CHLSN: variants seen among roughly 807,000 people sequenced by gnomAD.
CHLSN encodes the protein cholesin.
At chr7:1,009,895 G>T in the CHLSN span, 1 of 1,412,984 alleles carries the variant, frequency 7.1e-7, no homozygotes, top group South Asian at 1.4e-5. Context: ...GACCCCCTCA[G>T]GCAGGGGTTG....
the CHLSN span, among the ~76,000 whole-genome samples, chr7:1,031,146 T>C: frequency 6.6e-6 from 1 of 152,194 alleles, no homozygotes; most frequent in African/African-American, 2.4e-5. Flanking sequence ...GGCCCCCAGA[T>C]AGCTGGTGAA....
chr7:1,122,311 C>A, the CHLSN span, among the ~76,000 whole-genome samples: 1 of 152,234 alleles, frequency 6.6e-6, no homozygotes, highest in East Asian at 1.9e-4. Context: ...GACATGCTGA[C>A]AGCAGTGGAC....
the CHLSN span, chr7:1,082,244 A>G: frequency 6.6e-6 from 1 of 152,218 alleles, no homozygotes; most frequent in Non-Finnish European, 1.5e-5. Flanking sequence ...ACCACTCATC[A>G]CTGTCGGGTG....
chr7:1,034,954 T>C, the CHLSN span, among the ~76,000 whole-genome samples: 1 of 152,262 alleles, frequency 6.6e-6, no homozygotes, highest in Non-Finnish European at 1.5e-5. Context: ...GCTCCATCCA[T>C]GTTCCCAGAA....
the CHLSN span, among the ~76,000 whole-genome samples, chr7:1,073,591 G>A: frequency 1.3e-5 from 2 of 152,092 alleles, no homozygotes; most frequent in African/African-American, 2.4e-5. Context: ...CAGAAGCTCC[G>A]TGGAGAAAGC....
At chr7:1,053,186 C>T in the CHLSN span, among the ~76,000 whole-genome samples, 1 of 150,450 alleles carries the variant, frequency 6.6e-6, no homozygotes, top group African/African-American at 2.4e-5. Context: ...AGACCACGGA[C>T]AGGCAAGGAG....
At chr7:988,552 G>C in the CHLSN span, 2 of 1,598,072 alleles carry the variant, frequency 1.3e-6, no homozygotes, top group Non-Finnish European at 1.7e-6. Context: ...GGCTGCTCCT[G>C]TGCTCCCCTG....
the CHLSN span, among the ~76,000 whole-genome samples, chr7:1,066,585 TCTACCTGCCCTCTAC>T: frequency 6.2e-4 from 95 of 152,222 alleles, no homozygotes; most frequent in Non-Finnish European, 1.1e-3. Flanking sequence ...GACGAGGGGT[TCTACCTGCCCTCTAC>T]CTACCTGCCC....
At chr7:1,008,914 C>T in the CHLSN span, among the ~76,000 whole-genome samples, 10 of 92,346 alleles carry the variant, frequency 1.1e-4, no homozygotes, top group East Asian at 5.0e-4. Flanking sequence ...ACACAACACA[C>T]GTATACACAT....
chr7:1,038,156 G>GC, the CHLSN span, among the ~76,000 whole-genome samples: 1 of 96,630 alleles, frequency 1.0e-5, no homozygotes, highest in African/African-American at 4.0e-5. Context: ...GAGGGAGGTG[G>GC]GGGGGGGTCA....
At chr7:996,520 C>A in the CHLSN span, among the ~76,000 whole-genome samples, 1 of 152,216 alleles carries the variant, frequency 6.6e-6, no homozygotes. Flanking sequence ...GGCAGCAGCA[C>A]CTGGGTGTCT....
chr7:1,084,010 C>T, the CHLSN span, among the ~76,000 whole-genome samples: 4 of 152,232 alleles, frequency 2.6e-5, no homozygotes, highest in Admixed American at 6.5e-5. Context: ...CTCCCCAGGC[C>T]GGAATGGAAC....
At chr7:1,030,766 ACTCT>A in the CHLSN span, among the ~76,000 whole-genome samples, 14 of 139,578 alleles carry the variant, frequency 1.0e-4, no homozygotes, top group Admixed American at 9.9e-4. Flanking sequence ...GCACGCGGGG[ACTCT>A]CTCTCTCTCC....
At chr7:1,004,958 G>A in the CHLSN span, among the ~76,000 whole-genome samples, 1 of 152,180 alleles carries the variant, frequency 6.6e-6, no homozygotes, top group African/African-American at 2.4e-5. Flanking sequence ...CTCACCAGCT[G>A]GGTGGAGAAC....
the CHLSN span, chr7:1,010,273 G>T: frequency 1.3e-6 from 1 of 796,464 alleles, no homozygotes; most frequent in Admixed American, 3.1e-5. Context: ...CACTGGGTCT[G>T]GCCCCAGCCG....
chr7:984,122 A>G, the CHLSN span, among the ~76,000 whole-genome samples: 2 of 152,132 alleles, frequency 1.3e-5, no homozygotes, highest in Admixed American at 6.5e-5. Context: ...CCAGCCCCCG[A>G]CCTTGCCGCC....
chr7:1,000,144 C>G, the CHLSN span, among the ~76,000 whole-genome samples: 1 of 152,222 alleles, frequency 6.6e-6, no homozygotes, highest in Non-Finnish European at 1.5e-5. Flanking sequence ...TCTCTTAGAA[C>G]AAAGGCACCG....
the CHLSN span, among the ~76,000 whole-genome samples, chr7:1,133,413 A>C: frequency 6.9e-6 from 1 of 145,434 alleles, no homozygotes; most frequent in Non-Finnish European, 1.5e-5. Flanking sequence ...AAAAAAAAAA[A>C]CTATAATCCC....
chr7:1,116,184 G>A, the CHLSN span, among the ~76,000 whole-genome samples: 1 of 134,458 alleles, frequency 7.4e-6, no homozygotes, highest in Non-Finnish European at 1.6e-5. Context: ...GCCCACGCAG[G>A]ATGACATCAC....
Sources: allele counts gnomAD v4.1 joint callset (sites outside exome capture counted in the v4.1 genomes callset), GRCh38; gene constraint gnomAD v4.1.1; transcripts MANE v1.5; gene names NCBI Gene and HGNC (gene_info 2026-07-23, HGNC 2026-07-21).